FAF1: variants seen among roughly 807,000 people sequenced by gnomAD.
FAF1 encodes Fas associated factor 1.
Under a neutral mutation model 92.5 loss-of-function variants are expected in FAF1, and 25 were observed. The ratio of observed to expected loss-of-function variants is 0.27; its 90% CI spans 0.20 to 0.38. FAF1 has a LOEUF of 0.38. FAF1 is among the 10% of genes least tolerant of loss of function. The pLI is 1.00. For missense variants in FAF1, 636 were observed against 793.3 expected (o/e 0.80, Z 2.38); for synonymous variants, 234 against 273.2 (o/e 0.86, Z 1.42).
chr1:50,951,587 G>A (rs911546851), intron 1 of FAF1, among the ~76,000 whole-genome samples: 2 of 152,174 alleles, frequency 1.3e-5, no homozygotes, highest in Non-Finnish European at 2.9e-5. Flanking sequence ...CAAAGTCCAT[G>A]TCCTTAACCA....
chr1:50,830,658 A>T (rs1216012193), intron 2 of FAF1, among the ~76,000 whole-genome samples: 8 of 143,806 alleles, frequency 5.6e-5, no homozygotes, highest in Non-Finnish European at 9.2e-5. Flanking sequence ...CCAGTGCTCA[A>T]TTTTTTTTTT....
chr1:50,693,320 T>TA (rs1205482781), intron 7 of FAF1, among the ~76,000 whole-genome samples: 3 of 152,324 alleles, frequency 2.0e-5, no homozygotes, highest in East Asian at 3.8e-4. Context: ...ATTTTCTTGG[T>TA]AATCTTGCTG....
intron 7 of FAF1, among the ~76,000 whole-genome samples, chr1:50,671,013 T>C (rs1160185303): frequency 2.0e-5 from 3 of 151,894 alleles, no homozygotes; most frequent in Non-Finnish European, 4.4e-5. Context: ...AGATAGAATA[T>C]ATATAGAATG....
At chr1:50,487,654 A>G (rs1015143673) in intron 17 of FAF1, among the ~76,000 whole-genome samples, 1 of 152,230 alleles carries the variant, frequency 6.6e-6, no homozygotes, top group African/African-American at 2.4e-5. Flanking sequence ...CAGTTATCAC[A>G]CAGCAAAATG....
chr1:50,447,699 C>G (rs1000036942), intron 18 of FAF1, among the ~76,000 whole-genome samples: 5 of 152,232 alleles, frequency 3.3e-5, no homozygotes, highest in Admixed American at 6.5e-5. Flanking sequence ...CCTCATCCAT[C>G]TCATCTTACC....
chr1:50,608,792 C>T (rs542707734), intron 8 of FAF1, among the ~76,000 whole-genome samples: 52 of 152,296 alleles, frequency 3.4e-4, no homozygotes, highest in Admixed American at 1.1e-3. Context: ...TGAACTTGGA[C>T]TCCAAAGCCA....
chr1:50,893,474 A>C (rs1644734926), intron 1 of FAF1, among the ~76,000 whole-genome samples: 1 of 152,192 alleles, frequency 6.6e-6, no homozygotes, highest in African/African-American at 2.4e-5. Context: ...GATCTGGAAG[A>C]ATTTTATGGA....
intron 18 of FAF1, among the ~76,000 whole-genome samples, chr1:50,460,752 C>T (rs1646416980): frequency 6.6e-6 from 1 of 151,280 alleles, no homozygotes; most frequent in Non-Finnish European, 1.5e-5. Flanking sequence ...TCCCACCTCA[C>T]TCTCAAGTAT....
intron 6 of FAF1, among the ~76,000 whole-genome samples, chr1:50,728,290 T>C (rs1658746703): frequency 6.6e-6 from 1 of 152,144 alleles, no homozygotes. Flanking sequence ...GGTAGTATCA[T>C]TACTGGCAGG....
At chr1:50,650,617 C>CA (rs1362581639) in intron 8 of FAF1, among the ~76,000 whole-genome samples, 1 of 151,504 alleles carries the variant, frequency 6.6e-6, no homozygotes, top group African/African-American at 2.4e-5. Context: ...AAGACTGTCT[C>CA]AAAAAAATAT....
intron 18 of FAF1, among the ~76,000 whole-genome samples, chr1:50,467,753 T>C (rs1338253031): frequency 6.6e-6 from 1 of 152,320 alleles, no homozygotes. Flanking sequence ...ATATTTACTA[T>C]GACACTGGGC....
chr1:50,801,797 T>C (rs1431194337), intron 2 of FAF1, 120 bp from the exon 3 acceptor site: 1 of 604,840 alleles, frequency 1.7e-6, no homozygotes, highest in Non-Finnish European at 3.0e-6. Context: ...TAATACTAAT[T>C]TTTTTAGTGA....
In FAF1 at chr1:50,665,881, CA is replaced by C. The variant is rs918975076; in HGVS notation, c.658-10354del. ...TATGTATGCATACCATATGTATGCA[CA>C]GAAAAAAGATCAGGCCAGGTGCAGA... On this transcript the variant is annotated intron_variant, in intron 7 of 18. Coordinates refer to ENST00000396153, the MANE Select transcript of FAF1 (RefSeq NM_007051.3). Among the ~76,000 whole-genome samples, 182 of 152,050 alleles carry C rather than the reference CA, an allele frequency of 1.2e-3. 3 individuals are homozygous for C. Among genetic ancestry groups the C allele is most frequent in the Admixed American group, 8.2e-3 (125 of 15,250 alleles).
At chr1:50,796,797 T>A (rs1407736739) in intron 3 of FAF1, among the ~76,000 whole-genome samples, 1 of 152,132 alleles carries the variant, frequency 6.6e-6, no homozygotes. Context: ...TCTCCACATC[T>A]GTGTAACTGA....
chr1:50,630,659 G>A (rs1653732336), intron 8 of FAF1, among the ~76,000 whole-genome samples: 1 of 151,932 alleles, frequency 6.6e-6, no homozygotes, highest in Admixed American at 6.6e-5. Context: ...CCTTCTCAGT[G>A]GATGACAAAA....
At chr1:50,741,818 G>A (rs575108344) in intron 5 of FAF1, among the ~76,000 whole-genome samples, 4 of 152,216 alleles carry the variant, frequency 2.6e-5, no homozygotes, top group African/African-American at 7.2e-5. Context: ...AGAGATATGG[G>A]ATAGGAGGGA....
chr1:50,540,189 G>A (rs1401264377), intron 13 of FAF1, among the ~76,000 whole-genome samples: 1 of 152,016 alleles, frequency 6.6e-6, no homozygotes, highest in Admixed American at 6.6e-5. Flanking sequence ...GGCCAGGATG[G>A]TCTTGAACTC....
At position 50,671,404 on chromosome 1, in the gene FAF1, CAA is replaced by C. The variant is rs548995973; in HGVS notation, c.658-15878_658-15877del. On this transcript the variant is annotated intron_variant, in intron 7 of 18. Coordinates refer to ENST00000396153, the MANE Select transcript of FAF1 (RefSeq NM_007051.3). ...TGGGCAACAGAGCAAGACTCCGTCT[CAA>C]AAAAAAAAAAAAGGTAAAGTTTGAC... Among the ~76,000 whole-genome samples the C allele has an allele frequency of 6.8e-3, 814 of 119,750 alleles. 5 individuals carry two copies. The highest frequency in any genetic ancestry group is 0.022 in the African/African-American group (739 of 33,100). The allele number at this position is 119,750 out of a possible 152,430, so 78.6% of individuals were successfully genotyped here. A position where few individuals can be genotyped will look rare whatever the true frequency, so the allele number is the denominator to read the frequency against.
Position 50,555,902 on chromosome 1 carries a change from G to A in FAF1, c.1268+11175C>T, listed in dbSNP as rs565805972. Among the ~76,000 whole-genome samples, 8 of 151,446 alleles carry A rather than the reference G, an allele frequency of 5.3e-5. No homozygotes were observed. The East Asian group carries it at 7.7e-4, about 15-fold the overall frequency. ...TGAGTGGATAAAGAAAATGTGGTAC[G>A]TATACATATATATATATAAAATTAG... On this transcript the variant is annotated intron_variant, in intron 13 of 18. Transcript: ENST00000396153.
Sources: gnomAD v4.1 joint callset for allele counts (sites outside exome capture counted in the v4.1 genomes callset) on GRCh38, gnomAD v4.1.1 for gene constraint, MANE v1.5 for transcripts, NCBI Gene and HGNC (gene_info 2026-07-23, HGNC 2026-07-21) for gene names.